SLC39A9: variants seen among roughly 807,000 people sequenced by gnomAD.
SLC39A9 encodes solute carrier family 39 member 9, also known as zinc transporter ZIP9.
In SLC39A9, 14 loss-of-function variants were observed where a neutral mutation model predicts 28.4. That is an observed-to-expected ratio of 0.49 (90% CI 0.33 to 0.77). The LOEUF (loss-of-function observed/expected upper bound fraction) is 0.77. Ranked by LOEUF, SLC39A9 falls within the 30% of genes least tolerant of loss-of-function variation. The pLI, the probability that SLC39A9 is intolerant of heterozygous loss-of-function variation, is 0.02. For missense variants in SLC39A9, 283 were observed against 381.1 expected (o/e 0.74, Z 2.14); for synonymous variants, 119 against 149.6 (o/e 0.80, Z 1.49).
At chr14:69,440,342 G>T (rs962443221) in intron 2 of SLC39A9, among the ~76,000 whole-genome samples, 1 of 152,076 alleles carries the variant, frequency 6.6e-6, no homozygotes, top group African/African-American at 2.4e-5. Context: ...CCAGCACTTT[G>T]GGAGGTCAAG....
At chr14:69,420,321 T>C (rs1370691342) in intron 1 of SLC39A9, among the ~76,000 whole-genome samples, 1 of 152,254 alleles carries the variant, frequency 6.6e-6, no homozygotes, top group Non-Finnish European at 1.5e-5. Context: ...TGTTGAATAT[T>C]GGCCCCCACT....
At chr14:69,425,279 C>G (rs1884125155) in intron 2 of SLC39A9, among the ~76,000 whole-genome samples, 1 of 152,126 alleles carries the variant, frequency 6.6e-6, no homozygotes, top group Non-Finnish European at 1.5e-5. Flanking sequence ...TTTTTGAGAC[C>G]TGAGATTTAA....
At chr14:69,410,638 C>T (rs937321118) in intron 1 of SLC39A9, among the ~76,000 whole-genome samples, 3 of 152,202 alleles carry the variant, frequency 2.0e-5, no homozygotes, top group African/African-American at 4.8e-5. Context: ...TAACACTTAG[C>T]AGCAGATAAT....
At chr14:69,421,481 C>G (rs940108961) in intron 1 of SLC39A9, among the ~76,000 whole-genome samples, 5 of 152,246 alleles carry the variant, frequency 3.3e-5, no homozygotes, top group African/African-American at 1.2e-4. Flanking sequence ...AGGAGGCAGT[C>G]TGTCTATTCT....
At chr14:69,405,094 C>T (rs1205818867) in intron 1 of SLC39A9, among the ~76,000 whole-genome samples, 1 of 152,160 alleles carries the variant, frequency 6.6e-6, no homozygotes, top group Admixed American at 6.5e-5. Flanking sequence ...CTCACTGTCA[C>T]AAGAACAGCA....
intron 2 of SLC39A9, chr14:69,429,383 T>C (rs1884368476): frequency 1.3e-5 from 2 of 152,196 alleles, no homozygotes; most frequent in South Asian, 4.1e-4. Context: ...ATTGTTTGCA[T>C]GAACCATGTT....
intron 3 of SLC39A9, among the ~76,000 whole-genome samples, chr14:69,444,307 A>G (rs1209356663): frequency 6.6e-6 from 1 of 152,224 alleles, no homozygotes; most frequent in Non-Finnish European, 1.5e-5. Context: ...TCACCTCTAT[A>G]GACCCCAGGC....
In SLC39A9 at chr14:69,458,925, G is replaced by A; in HGVS notation, c.*332G>A. ...AAGAGGAGAACTTCATACTCACAATGAAATAGTGATTATGAAAATACAGTG... is the reference window on the plus strand; with the variant it reads ...AAGAGGAGAACTTCATACTCACAATAAAATAGTGATTATGAAAATACAGTG... On this transcript the variant is annotated 3_prime_UTR_variant, in exon 7 of 7. Coordinates refer to ENST00000336643, the MANE Select transcript of SLC39A9 (RefSeq NM_018375.5). 9.6e-7 allele frequency: 1 copy of A among 1,046,966 alleles called. No individual in the cohort carries two copies. Among genetic ancestry groups the A allele is most frequent in the East Asian group, 7.2e-5 (1 of 13,984 alleles). 64.9% of individuals were successfully genotyped at this position (1,046,966 alleles called of 1,614,324 possible). A position where few individuals can be genotyped will look rare whatever the true frequency, so the allele number is the denominator to read the frequency against.
intron 1 of SLC39A9, among the ~76,000 whole-genome samples, chr14:69,404,915 G>A (rs1028349313): frequency 3.3e-5 from 5 of 152,122 alleles, no homozygotes; most frequent in African/African-American, 7.2e-5. Flanking sequence ...ATTTATAAAC[G>A]AAAGAGGTTT....
intron 1 of SLC39A9, among the ~76,000 whole-genome samples, chr14:69,400,485 A>G (rs901606744): frequency 2.6e-5 from 4 of 152,222 alleles, no homozygotes; most frequent in African/African-American, 4.8e-5. Context: ...TTTAGGGGGG[A>G]AAAACTACTA....
intron 3 of SLC39A9, among the ~76,000 whole-genome samples, chr14:69,450,120 C>T (rs2139444245): frequency 6.6e-6 from 1 of 151,978 alleles, no homozygotes; most frequent in South Asian, 2.1e-4. Flanking sequence ...ACCTGGGAGA[C>T]AGAGGTTTCA....
Position 69,458,436 on chromosome 14 carries a change from A to G in SLC39A9, c.767A>G (p.Tyr256Cys). ...CTTTTCTCTGCCGGGACATTTCTTT[A>G]TGTTGCCACAGTACATGTCCTCCCT... ...AMLFSAGTFL[Y>C]VATVHVLPEV... is the part of the protein sequence containing the mutation. The change falls in exon 7 of 7, where the codon TAT becomes TGT. Residue 256 changes from tyrosine (Y) to cysteine (C), a missense_variant. Transcript: ENST00000336643. The G allele has an allele frequency of 6.2e-7, 1 of 1,614,220 alleles. No homozygotes were observed. The highest frequency in any genetic ancestry group is 1.1e-5 in the South Asian group (1 of 91,086).
chr14:69,455,949 A>G (rs1295479266), intron 6 of SLC39A9, 83 bp downstream of exon 6: 3 of 1,500,426 alleles, frequency 2.0e-6, no homozygotes, highest in Non-Finnish European at 2.7e-6. Context: ...AATTTTTCCA[A>G]TACATTACTC....
At chr14:69,437,390 G>A (rs1018890315) in intron 2 of SLC39A9, among the ~76,000 whole-genome samples, 1 of 152,234 alleles carries the variant, frequency 6.6e-6, no homozygotes, top group East Asian at 1.9e-4. Context: ...AGAAGTTTTT[G>A]CTGCCTTGCC....
At position 69,458,644 on chromosome 14, in the gene SLC39A9, A is replaced by G. The variant is rs1390212427; in HGVS notation, c.*51A>G. The stretch of plus-strand genomic sequence containing the variant: ...GGGCCGTTTGCCATCCAGTGAGAAC[A>G]GCCGGCACGTGACAGCTACTCACTT... On this transcript the variant is annotated 3_prime_UTR_variant, in exon 7 of 7. Coordinates refer to ENST00000336643, the MANE Select transcript of SLC39A9 (RefSeq NM_018375.5). 7.9e-6 allele frequency: 12 copies of G among 1,517,282 alleles called. No homozygotes were observed. The South Asian group carries it at 1.4e-4, about 17-fold the overall frequency. 94.0% of individuals were successfully genotyped at this position (1,517,282 alleles called of 1,614,324 possible).
chr14:69,400,479 G>A (rs1436332932), intron 1 of SLC39A9, among the ~76,000 whole-genome samples: 1 of 152,158 alleles, frequency 6.6e-6, no homozygotes, highest in Non-Finnish European at 1.5e-5. Context: ...CAAAGATTTA[G>A]GGGGGAAAAA....
intron 1 of SLC39A9, among the ~76,000 whole-genome samples, chr14:69,415,918 TTTA>T (rs373898847): frequency 2.0e-5 from 3 of 151,846 alleles, no homozygotes; most frequent in East Asian, 1.9e-4. Context: ...AACTAACCTC[TTTA>T]TTATTATTAT....
At chr14:69,454,156 C>A (rs1468006006) in intron 4 of SLC39A9, among the ~76,000 whole-genome samples, 1 of 152,248 alleles carries the variant, frequency 6.6e-6, no homozygotes, top group Non-Finnish European at 1.5e-5. Context: ...AAAGGTGGTA[C>A]ACTGTTACCT....
chr14:69,449,387 G>A (rs1885495700), intron 3 of SLC39A9, among the ~76,000 whole-genome samples: 1 of 152,150 alleles, frequency 6.6e-6, no homozygotes, highest in South Asian at 2.1e-4. Flanking sequence ...CGATTTGGGA[G>A]GCCAAGACGG....
Sources: gnomAD v4.1 joint callset for allele counts (sites outside exome capture counted in the v4.1 genomes callset) on GRCh38, gnomAD v4.1.1 for gene constraint, MANE v1.5 for transcripts, NCBI Gene and HGNC (gene_info 2026-07-23, HGNC 2026-07-21) for gene names.